FAM114A2: variants seen among roughly 807,000 people sequenced by gnomAD.
FAM114A2 encodes protein FAM114A2.
In FAM114A2, 53 loss-of-function variants were observed where a neutral mutation model predicts 58.4. The ratio of observed to expected loss-of-function variants is 0.91; its 90% CI spans 0.73 to 1.14. The LOEUF (loss-of-function observed/expected upper bound fraction) is 1.14, where lower values mean the gene tolerates loss of function less well. FAM114A2 is among the 50% of genes most tolerant of loss of function. The probability of loss-of-function intolerance (pLI) is 0.00; values close to 1 mark genes in which losing one functional copy is unlikely to be tolerated. For missense variants in FAM114A2, 601 were observed against 581.1 expected, an observed-to-expected ratio of 1.03 and a Z score of -0.35; for synonymous variants, 228 against 211.4, an observed-to-expected ratio of 1.08 and a Z score of -0.68.
chr5:154,017,942 G>A (rs527368837), intron 8 of FAM114A2, among the ~76,000 whole-genome samples: 14 of 152,068 alleles, frequency 9.2e-5, no homozygotes, highest in East Asian at 1.9e-4. Flanking sequence ...TAAATAGGCC[G>A]AAACACCTAC....
In FAM114A2 at chr5:154,028,158, T is replaced by C. The variant is rs374213195; in HGVS notation, c.621A>G (p.Thr207=). 1.0e-4 allele frequency: 163 copies of C among 1,611,368 alleles called. 1 individual carries two copies. The highest frequency in any genetic ancestry group is 7.8e-4 in the East Asian group (35 of 44,852). The change falls in exon 6 of 14, where the codon ACA becomes ACG. Residue 207 remains threonine (T), a synonymous_variant. Transcript: ENST00000351797. Reference sequence around the variant, plus strand: ...TAAGGATAATCAGTACCTGAGATAGTGTAGCATTTCGGTTCATCAGACCCT... The same window carrying C: ...TAAGGATAATCAGTACCTGAGATAGCGTAGCATTTCGGTTCATCAGACCCT... ...RTKGLMNRNA[T]LSQVLREAKE...
chr5:153,996,116 G>C (rs1769539666), intron 12 of FAM114A2, among the ~76,000 whole-genome samples: 1 of 152,064 alleles, frequency 6.6e-6, no homozygotes, highest in South Asian at 2.1e-4. Flanking sequence ...TAAGAACAAA[G>C]TTGGAGGACT....
intron 7 of FAM114A2, 26 bp from the exon 8 acceptor site, chr5:154,026,548 TGTA>T: frequency 7.1e-7 from 1 of 1,416,534 alleles, no homozygotes; most frequent in Non-Finnish European, 9.3e-7. Context: ...AACAAAATGT[TGTA>T]GGAGTATGAA....
chr5:154,015,411 C>G (rs1488892492), intron 8 of FAM114A2, among the ~76,000 whole-genome samples: 1 of 152,128 alleles, frequency 6.6e-6, no homozygotes, highest in Non-Finnish European at 1.5e-5. Context: ...GTGCGGGTAT[C>G]CACAGCTGAG....
Position 154,027,303 on chromosome 5 carries a change from A to G in FAM114A2, c.662T>C (p.Ile221Thr). Residue 221 changes from isoleucine to threonine, a missense_variant, in exon 7 of 14, where the codon ATA becomes ACA. Transcript: ENST00000351797. ...CACGGTAACCTCATTGGAGGTCCGT[A>G]TCTCTTCTTTCTCCTTCGCCTCTCG... ...VLREAKEKEEIRTSNEVTVET... is the reference protein window; with the variant it reads ...VLREAKEKEETRTSNEVTVET... The G allele has an allele frequency of 6.2e-7, 1 of 1,613,148 alleles. No individual in the cohort carries two copies. The highest frequency in any genetic ancestry group is 8.5e-7 in the Non-Finnish European group (1 of 1,179,606).
intron 12 of FAM114A2, among the ~76,000 whole-genome samples, chr5:153,996,991 T>TAAAAAAAAAAAAAAAA (rs57110256): frequency 4.1e-5 from 5 of 121,270 alleles, no homozygotes; most frequent in Admixed American, 8.4e-5. Flanking sequence ...GAGCAAAACT[T>TAAAAAAAAAAAAAAAA]AAAAAAAAAA....
At chr5:153,994,268 T>TC (rs1405900241) in intron 13 of FAM114A2, among the ~76,000 whole-genome samples, 1 of 152,068 alleles carries the variant, frequency 6.6e-6, no homozygotes, top group Non-Finnish European at 1.5e-5. Context: ...ATATATTTTC[T>TC]CCCCCCAGAC....
intron 9 of FAM114A2, 97 bp from the exon 10 acceptor site, chr5:154,003,066 C>G: frequency 9.1e-7 from 1 of 1,096,292 alleles, no homozygotes; most frequent in Admixed American, 1.9e-5. Flanking sequence ...GAAGTAAGGG[C>G]TCCTGTTCTT....
chr5:154,013,244 G>A (rs966208368), intron 8 of FAM114A2, among the ~76,000 whole-genome samples: 5 of 152,158 alleles, frequency 3.3e-5, no homozygotes, highest in African/African-American at 1.2e-4. Flanking sequence ...GCTTTGGAGG[G>A]ACTCTGGAGA....
At chr5:154,038,575 G>C (rs1163501872) in intron 1 of FAM114A2, 1 of 152,228 alleles carries the variant, frequency 6.6e-6, no homozygotes, top group Non-Finnish European at 1.5e-5. Context: ...CTCTAGATGA[G>C]CAAACATGCG....
chr5:154,016,918 G>A (rs1368796805), intron 8 of FAM114A2, among the ~76,000 whole-genome samples: 1 of 152,156 alleles, frequency 6.6e-6, no homozygotes. Flanking sequence ...TAAGCTTAAG[G>A]TAAAGGGGTG....
chr5:154,032,731 T>C (rs1197879050), intron 4 of FAM114A2, among the ~76,000 whole-genome samples: 3 of 152,200 alleles, frequency 2.0e-5, no homozygotes, highest in Non-Finnish European at 2.9e-5. Context: ...TAGAACACTA[T>C]ACTTGGAGTT....
At chr5:154,027,870 C>T (rs1332189726) in intron 6 of FAM114A2, among the ~76,000 whole-genome samples, 2 of 152,068 alleles carry the variant, frequency 1.3e-5, no homozygotes, top group African/African-American at 2.4e-5. Context: ...GTGATTTAAA[C>T]ATTAAAACAA....
chr5:154,034,129 T>C (rs892533249), intron 3 of FAM114A2, 149 bp downstream of exon 3: 4 of 627,386 alleles, frequency 6.4e-6, no homozygotes, highest in African/African-American at 5.6e-5. Flanking sequence ...TGGCAGTATA[T>C]ATCAGCCCAT....
At chr5:153,996,172 C>T (rs568870499) in intron 12 of FAM114A2, among the ~76,000 whole-genome samples, 50 of 152,188 alleles carry the variant, frequency 3.3e-4, no homozygotes, top group African/African-American at 1.2e-3. Context: ...AATATCAAGA[C>T]GATATGACAC....
intron 4 of FAM114A2, among the ~76,000 whole-genome samples, chr5:154,031,986 G>A (rs184889738): frequency 1.3e-5 from 2 of 152,304 alleles, no homozygotes; most frequent in Admixed American, 6.5e-5. Flanking sequence ...GCTACTCTAC[G>A]TTTACTTTAT....
intron 9 of FAM114A2, among the ~76,000 whole-genome samples, chr5:154,009,718 C>T (rs1770570967): frequency 6.6e-6 from 1 of 152,022 alleles, no homozygotes; most frequent in African/African-American, 2.4e-5. Flanking sequence ...GTATTTTGGC[C>T]AGGAATGTAT....
At chr5:153,997,520 G>C (rs544380792) in intron 12 of FAM114A2, among the ~76,000 whole-genome samples, 1 of 152,260 alleles carries the variant, frequency 6.6e-6, no homozygotes, top group South Asian at 2.1e-4. Context: ...TCCCATTTAT[G>C]TGAAAGATGC....
chr5:153,994,825 G>A, intron 13 of FAM114A2, 94 bp downstream of exon 13: 1 of 760,872 alleles, frequency 1.3e-6, no homozygotes, highest in Non-Finnish European at 2.3e-6. Flanking sequence ...TACCAATATG[G>A]TGAATAAAAT....
Sources: gnomAD v4.1 joint callset for allele counts (sites outside exome capture counted in the v4.1 genomes callset) on GRCh38, gnomAD v4.1.1 for gene constraint, MANE v1.5 for transcripts, NCBI Gene and HGNC (gene_info 2026-07-23, HGNC 2026-07-21) for gene names.